SMPD4: variants seen among roughly 807,000 people sequenced by gnomAD.
The protein encoded by SMPD4 is neutral sphingomyelinase 3.
A neutral mutation model predicts 97.8 loss-of-function variants in SMPD4; 58 were observed. That is an observed-to-expected ratio of 0.59 (90% confidence interval 0.48 to 0.74). The LOEUF is 0.74. Ranked by LOEUF, SMPD4 falls within the 30% of genes least tolerant of loss-of-function variation. SMPD4 has a pLI of 0.00. For synonymous variants in SMPD4, 388 were observed against 450.0 expected (o/e 0.86, Z 1.74); for missense variants, 853 against 1,080.5 (o/e 0.79, Z 2.95).
At chr2:130,156,931 C>T in intron 12 of SMPD4, 2 of 1,031,044 alleles carry the variant, frequency 1.9e-6, no homozygotes, top group Non-Finnish European at 2.9e-6. Context: ...CCCATACAAA[C>T]AGCCCACTCT....
chr2:130,154,210 C>T, intron 16 of SMPD4, 67 bp downstream of exon 16: 2 of 1,491,198 alleles, frequency 1.3e-6, no homozygotes, highest in South Asian at 1.4e-5. Flanking sequence ...GATCACAGCA[C>T]TTCCCGGGTT....
chr2:130,181,295 C>T (rs1363236207), intron 1 of SMPD4: 1 of 1,403,324 alleles, frequency 7.1e-7, no homozygotes, highest in African/African-American at 1.5e-5. Flanking sequence ...CGAACACCTA[C>T]CGGACCGGGA....
rs915101871 is a variant in SMPD4, at chr2:130,168,716, A to AT, written c.660-1127dup. On this transcript the variant is annotated intron_variant, in intron 8 of 19. Transcript: ENST00000680298. ...ATGCTATGTTGCCCAGGCACTATTA[A>AT]TTTTTTTTTTTTTTTTTTTGGTTGA... 7.2e-3 allele frequency among the ~76,000 whole-genome samples: 960 copies of AT among 132,854 alleles called. 4 individuals are homozygous for AT. The highest frequency in any genetic ancestry group is 0.012 in the Middle Eastern group (3 of 258). 87.2% of individuals were successfully genotyped at this position (132,854 alleles called of 152,430 possible).
rs759061621 is a variant in SMPD4 at position 130,153,842 on chromosome 2, G to C, written c.1753C>G (p.Leu585Val). Residue 585 changes from leucine (L) to valine (V), a missense_variant, in exon 17 of 20, where the codon CTC becomes GTC. Around this residue, in one of 3 missense-constraint regions of SMPD4, gnomAD observed 511 missense variants for 608.1 expected, o/e 0.84. Coordinates refer to ENST00000680298, the MANE Select transcript of SMPD4 (RefSeq NM_017951.5). ...CAESPAGHSF[L>V]SWLGFSSMDT... Reference sequence around the variant, plus strand: ...ATGGAGCTAAAGCCCAGCCATGAGAGGAAGGAGTGGCCAGCCGGGCTCTCC... The same window carrying C: ...ATGGAGCTAAAGCCCAGCCATGAGACGAAGGAGTGGCCAGCCGGGCTCTCC... 7.4e-6 allele frequency: 12 copies of C among 1,613,984 alleles called. No individual in the cohort carries two copies. Among genetic ancestry groups the C allele is most frequent in the Middle Eastern group, 1.7e-4 (1 of 6,056 alleles).
intron 12 of SMPD4, 80 bp downstream of exon 12, chr2:130,157,171 G>T (rs1377454578): frequency 6.5e-7 from 1 of 1,527,754 alleles, no homozygotes; most frequent in Non-Finnish European, 8.8e-7. Flanking sequence ...CATGCCCTGG[G>T]GAGAGGTCGC....
chr2:130,170,959 G>A (rs1209791940), intron 8 of SMPD4, among the ~76,000 whole-genome samples: 1 of 151,888 alleles, frequency 6.6e-6, no homozygotes, highest in Non-Finnish European at 1.5e-5. Flanking sequence ...TACTTGCGAG[G>A]CTGAGGTGGG....
chr2:130,180,503 C>T (rs1449822826), intron 1 of SMPD4, among the ~76,000 whole-genome samples: 2 of 152,114 alleles, frequency 1.3e-5, no homozygotes, highest in African/African-American at 4.8e-5. Context: ...GAACTCCTGA[C>T]CTCGTGATCC....
At chr2:130,162,752 GAC>G (rs1241467018) in intron 10 of SMPD4, among the ~76,000 whole-genome samples, 1 of 152,238 alleles carries the variant, frequency 6.6e-6, no homozygotes, top group African/African-American at 2.4e-5. Context: ...AGCCTTGGGA[GAC>G]ACAGACCTCC....
intron 1 of SMPD4, among the ~76,000 whole-genome samples, chr2:130,180,496 C>T (rs1036918276): frequency 2.0e-5 from 3 of 152,068 alleles, no homozygotes; most frequent in African/African-American, 7.2e-5. Flanking sequence ...TGGTCTTGAA[C>T]TCCTGACCTC....
intron 11 of SMPD4, among the ~76,000 whole-genome samples, chr2:130,159,167 T>C (rs1687148315): frequency 6.6e-6 from 1 of 152,064 alleles, no homozygotes; most frequent in Non-Finnish European, 1.5e-5. Context: ...AGGCTAATTT[T>C]TGTATTTGTA....
At chr2:130,162,550 G>T (rs1180663327) in intron 10 of SMPD4, among the ~76,000 whole-genome samples, 2 of 152,182 alleles carry the variant, frequency 1.3e-5, no homozygotes, top group African/African-American at 4.8e-5. Flanking sequence ...GAACACAGTG[G>T]CCTACAGCGC....
rs1332801476 is a variant in SMPD4, at chr2:130,172,818, A to T, written c.423T>A (p.Pro141=). 6.2e-7 allele frequency: 1 copy of T among 1,614,034 alleles called. No homozygotes were observed. The highest frequency in any genetic ancestry group is 8.5e-7 in the Non-Finnish European group (1 of 1,180,028). The change falls in exon 6 of 20, where the codon CCT becomes CCA. Residue 141 remains proline (P), a synonymous_variant. Coordinates refer to ENST00000680298, the MANE Select transcript of SMPD4 (RefSeq NM_017951.5). The part of the protein sequence containing the change: ...PLYHNKVQFT[P]TGGLGLNLAL... ...CCAAGTTCAGACCAAGGCCCCCAGT[A>T]GGGGTGAACTGGACCTTGTTGTGGT...
rs532560414 is a variant in SMPD4, at chr2:130,151,957, C to A, written c.*598G>T. On this transcript the variant is annotated 3_prime_UTR_variant, in exon 20 of 20. Transcript: ENST00000680298. ...CTGGGCTCTGGGAGGGTCTTAGGCT[C>A]CTGAAACATGGAATTCTACGGCCCA... 1 of 153,264 alleles carries A rather than the reference C, an allele frequency of 6.5e-6. No individual in the cohort carries two copies. Among genetic ancestry groups the A allele is most frequent in the Admixed American group, 6.5e-5 (1 of 15,374 alleles). The allele number at this position is 153,264 out of a possible 1,614,324, so 9.5% of individuals were successfully genotyped here.
At position 130,169,763 on chromosome 2, in the gene SMPD4, A is replaced by G. The variant is rs1160541242; in HGVS notation, c.660-2173T>C. ...AATGAGGTCTCCCGACGTTGCCCAC[A>G]CTGGTCTCGAATTCCTGGCCTCAAG... On this transcript the variant is annotated intron_variant, in intron 8 of 19. Coordinates refer to ENST00000680298, the MANE Select transcript of SMPD4 (RefSeq NM_017951.5). Among the ~76,000 whole-genome samples, 4 of 151,948 alleles carry G rather than the reference A, an allele frequency of 2.6e-5. 1 individual carries two copies. In the East Asian group the frequency reaches 7.7e-4, roughly 29 times the overall value.
intron 11 of SMPD4, chr2:130,157,622 T>C: frequency 1.1e-6 from 1 of 893,054 alleles, no homozygotes; most frequent in Non-Finnish European, 1.7e-6. Flanking sequence ...GGTATGGAAG[T>C]GCTTGGCCCA....
chr2:130,169,714 C>T (rs1272023121), intron 8 of SMPD4, among the ~76,000 whole-genome samples: 1 of 152,078 alleles, frequency 6.6e-6, no homozygotes, highest in African/African-American at 2.4e-5. Flanking sequence ...CATCACCATA[C>T]TTGGCTAATT....
rs1688173763 is a variant in SMPD4 at position 130,168,805 on chromosome 2, T to A, written c.660-1215A>T. 2.0e-5 allele frequency among the ~76,000 whole-genome samples: 3 copies of A among 150,446 alleles called. No homozygotes were observed. The South Asian group carries it at 6.4e-4, about 32-fold the overall frequency. ...GGCATGATCTTGGCTCACTGCTACC[T>A]CCGCCTCCTGGGTGCAAGCAATCCT... On this transcript the variant is annotated intron_variant, in intron 8 of 19. Transcript: ENST00000680298.
At chr2:130,174,253 T>C (rs1688762122) in intron 3 of SMPD4, among the ~76,000 whole-genome samples, 1 of 152,186 alleles carries the variant, frequency 6.6e-6, no homozygotes, top group Non-Finnish European at 1.5e-5. Context: ...GCTCCTGGGC[T>C]TAAGTGATCC....
chr2:130,155,790 G>A (rs1472464436), intron 14 of SMPD4, among the ~76,000 whole-genome samples: 1 of 152,150 alleles, frequency 6.6e-6, no homozygotes, highest in East Asian at 1.9e-4. Context: ...GAAGGGAGAG[G>A]GGACAGGGCA....
Sources: allele counts gnomAD v4.1 joint callset (sites outside exome capture counted in the v4.1 genomes callset), GRCh38; gene constraint gnomAD v4.1.1; regional missense constraint gnomAD v4.1.1; transcripts MANE v1.5; gene names NCBI Gene and HGNC (gene_info 2026-07-23, HGNC 2026-07-21).